ARHGAP26: variants seen among roughly 807,000 people sequenced by gnomAD.
ARHGAP26 encodes rho GTPase-activating protein 26.
Under a neutral mutation model 104.8 loss-of-function variants are expected in ARHGAP26, and 38 were observed. The observed-to-expected ratio is 0.36, with a 90% CI of 0.28 to 0.48. The LOEUF is 0.48. Among genes scored for constraint, ARHGAP26 ranks in the 20% least tolerant of loss-of-function variants. The pLI, the probability that ARHGAP26 is intolerant of heterozygous loss-of-function variation, is 0.99. For missense variants in ARHGAP26, 704 were observed against 947.9 expected (o/e 0.74, Z 3.38); for synonymous variants, 341 against 340.0 (o/e 1.00, Z -0.03).
intron 9 of ARHGAP26, among the ~76,000 whole-genome samples, chr5:142,909,235 C>G (rs1761521016): frequency 6.6e-6 from 1 of 152,174 alleles, no homozygotes; most frequent in Admixed American, 6.5e-5. Flanking sequence ...TGAATAATTT[C>G]TCTTACTCTG....
In ARHGAP26 at chr5:142,994,586, G is replaced by A. The variant is rs745744023; in HGVS notation, c.1108-19494G>A. Among the ~76,000 whole-genome samples the A allele has an allele frequency of 2.0e-4, 30 of 152,184 alleles. 1 individual carries two copies. The highest frequency in any genetic ancestry group is 3.4e-4 in the Non-Finnish European group (23 of 68,036). The stretch of plus-strand genomic sequence containing the variant: ...AGGTGCTGAACTCCCAGATGGGACT[G>A]TTGGGACTGAAGAGAAAGATACAAT... On this transcript the variant is annotated intron_variant, in intron 11 of 22. Transcript: ENST00000645722.
rs141198691 is a variant in ARHGAP26 at position 143,222,906 on chromosome 5, A to G, written c.*460A>G. 2.5e-3 allele frequency: 573 copies of G among 233,268 alleles called. No homozygotes were observed. The highest frequency in any genetic ancestry group is 8.9e-3 in the Middle Eastern group (7 of 786). The allele number at this position is 233,268 out of a possible 1,614,324, so 14.4% of individuals were successfully genotyped here. On this transcript the variant is annotated 3_prime_UTR_variant, in exon 23 of 23. Transcript: ENST00000645722. ...TTTGTTTACAATAGGCACTCTCTCTACCCCACCTCTCAGTACTTGAGACTT... is the reference window on the plus strand; with the variant it reads ...TTTGTTTACAATAGGCACTCTCTCTGCCCCACCTCTCAGTACTTGAGACTT...
intron 10 of ARHGAP26, among the ~76,000 whole-genome samples, chr5:142,925,632 A>G (rs1763802025): frequency 6.6e-6 from 1 of 152,166 alleles, no homozygotes; most frequent in South Asian, 2.1e-4. Context: ...CTTCCCTGGC[A>G]CTTGCAAAAC....
At chr5:142,838,685 T>C (rs1273728919) in intron 1 of ARHGAP26, among the ~76,000 whole-genome samples, 1 of 152,266 alleles carries the variant, frequency 6.6e-6, no homozygotes, top group Admixed American at 6.5e-5. Context: ...TTATTGTTCT[T>C]ATTTTGTTTG....
intron 11 of ARHGAP26, among the ~76,000 whole-genome samples, chr5:142,991,023 T>G (rs1775530895): frequency 6.6e-6 from 1 of 152,220 alleles, no homozygotes; most frequent in African/African-American, 2.4e-5. Context: ...TGCAGAAGTT[T>G]CTGCTGCCTT....
chr5:143,069,221 C>T (rs1418968607), intron 17 of ARHGAP26, among the ~76,000 whole-genome samples: 1 of 152,078 alleles, frequency 6.6e-6, no homozygotes, highest in African/African-American at 2.4e-5. Flanking sequence ...ATCTAATATA[C>T]TATATATTTG....
At chr5:142,960,210 T>C (rs138514825) in intron 11 of ARHGAP26, among the ~76,000 whole-genome samples, 78 of 152,358 alleles carry the variant, frequency 5.1e-4, no homozygotes, top group Non-Finnish European at 1.0e-3. Flanking sequence ...CATACTTCTG[T>C]CCTTCCCCTG....
chr5:142,927,685 A>T (rs927463014), intron 10 of ARHGAP26, among the ~76,000 whole-genome samples: 2 of 152,202 alleles, frequency 1.3e-5, no homozygotes, highest in Non-Finnish European at 2.9e-5. Flanking sequence ...TCTTGAGTAT[A>T]TATGTAGAGG....
intron 11 of ARHGAP26, among the ~76,000 whole-genome samples, chr5:142,960,462 C>T (rs894265971): frequency 2.6e-5 from 4 of 152,200 alleles, no homozygotes; most frequent in African/African-American, 7.2e-5. Context: ...ATGATGAAAT[C>T]GCCCAGAGCG....
chr5:142,972,766 G>A (rs533409590), intron 11 of ARHGAP26, among the ~76,000 whole-genome samples: 31 of 151,810 alleles, frequency 2.0e-4, no homozygotes, highest in South Asian at 1.0e-3. Flanking sequence ...TATTTGCTAC[G>A]TTGTGTCCTT....
intron 11 of ARHGAP26, among the ~76,000 whole-genome samples, chr5:142,963,172 G>GTATATATATATATA (rs58576577): frequency 3.6e-4 from 32 of 89,002 alleles, no homozygotes; most frequent in African/African-American, 5.2e-4. Context: ...TGGTATATAT[G>GTATATATATATATA]TATATATATA....
At chr5:143,012,573 A>ATATATATATATATATATATG (rs1562260095) in intron 11 of ARHGAP26, among the ~76,000 whole-genome samples, 6 of 96,058 alleles carry the variant, frequency 6.2e-5, no homozygotes, top group African/African-American at 1.9e-4. Context: ...ATATATATAT[A>ATATATATATATATATATATG]TATTATGATC....
At chr5:142,997,924 T>C (rs758187548) in intron 11 of ARHGAP26, among the ~76,000 whole-genome samples, 4 of 152,312 alleles carry the variant, frequency 2.6e-5, no homozygotes, top group Non-Finnish European at 2.9e-5. Context: ...TGCAGATGGA[T>C]ATGAGCTCAG....
At chr5:143,194,843 C>T (rs1361592337) in intron 20 of ARHGAP26, among the ~76,000 whole-genome samples, 3 of 152,158 alleles carry the variant, frequency 2.0e-5, no homozygotes, top group Non-Finnish European at 2.9e-5. Flanking sequence ...CACCATGAGG[C>T]TTAGTAAGAT....
intron 1 of ARHGAP26, among the ~76,000 whole-genome samples, chr5:142,816,684 C>A (rs1276090010): frequency 6.6e-6 from 1 of 152,174 alleles, no homozygotes; most frequent in Non-Finnish European, 1.5e-5. Flanking sequence ...AGCCCAGCTG[C>A]CTTGCAGGGA....
intron 19 of ARHGAP26, among the ~76,000 whole-genome samples, chr5:143,135,307 T>C (rs1425135416): frequency 6.6e-6 from 1 of 152,160 alleles, no homozygotes; most frequent in Non-Finnish European, 1.5e-5. Context: ...GTTCTGAGGA[T>C]TAAGGCCCTT....
chr5:142,815,859 A>G (rs533504408), intron 1 of ARHGAP26, among the ~76,000 whole-genome samples: 58 of 152,194 alleles, frequency 3.8e-4, no homozygotes, highest in Admixed American at 1.4e-3. Flanking sequence ...CAGTGGTACA[A>G]TCATGGCTCA....
At chr5:142,883,602 G>C (rs1757303046) in intron 4 of ARHGAP26, among the ~76,000 whole-genome samples, 1 of 152,222 alleles carries the variant, frequency 6.6e-6, no homozygotes, top group South Asian at 2.1e-4. Flanking sequence ...GAGCTTGTTA[G>C]GGCTCCGGGT....
chr5:143,054,282 A>G (rs998304787), intron 14 of ARHGAP26, among the ~76,000 whole-genome samples, 157 bp from the exon 15 acceptor site: 2 of 152,246 alleles, frequency 1.3e-5, no homozygotes, highest in African/African-American at 4.8e-5. Flanking sequence ...TGGAATTTTT[A>G]GACATTTTCC....
Sources: allele counts gnomAD v4.1 joint callset (sites outside exome capture counted in the v4.1 genomes callset), GRCh38; gene constraint gnomAD v4.1.1; transcripts MANE v1.5; gene names NCBI Gene and HGNC (gene_info 2026-07-23, HGNC 2026-07-21).